RAB38: variants seen among roughly 807,000 people sequenced by gnomAD.
RAB38 encodes ras-related protein Rab-38.
A neutral mutation model predicts 18.4 loss-of-function variants in RAB38; 15 were observed. The ratio of observed to expected loss-of-function variants is 0.82; its 90% CI spans 0.55 to 1.26. RAB38 has a LOEUF of 1.26. RAB38 is among the 50% of genes most tolerant of loss of function. The pLI is 0.00. For missense variants in RAB38, 294 were observed against 267.4 expected (o/e 1.10, Z -0.69); for synonymous variants, 101 against 104.4 (o/e 0.97, Z 0.20).
the RAB38 span, among the ~76,000 whole-genome samples, chr11:88,012,138 A>G: frequency 1.6e-4 from 25 of 152,174 alleles, 1 homozygote; most frequent in East Asian, 3.7e-3. Flanking sequence ...CAGATTTTCA[A>G]TCTGGTCACC....
the RAB38 span, among the ~76,000 whole-genome samples, chr11:87,878,252 A>ATCTATCTG: frequency 2.5e-3 from 28 of 11,006 alleles, 2 homozygotes; most frequent in Middle Eastern, 0.029. Context: ...CACACCTATC[A>ATCTATCTG]TCTATCTATC....
the RAB38 span, among the ~76,000 whole-genome samples, chr11:87,907,361 A>G: frequency 6.6e-6 from 1 of 151,802 alleles, no homozygotes; most frequent in African/African-American, 2.4e-5. Flanking sequence ...TCTATTCTAA[A>G]TATTTGCCCC....
chr11:87,809,458 A>G, the RAB38 span, among the ~76,000 whole-genome samples: 6 of 152,208 alleles, frequency 3.9e-5, no homozygotes, highest in Admixed American at 6.5e-5. Flanking sequence ...CAGCAACACA[A>G]GGCCAAGTCA....
chr11:87,944,566 C>G, the RAB38 span, among the ~76,000 whole-genome samples: 2 of 152,160 alleles, frequency 1.3e-5, no homozygotes, highest in Admixed American at 6.6e-5. Context: ...CTGCTCCCAT[C>G]TCTAGTTCAC....
At chr11:88,164,256 C>CGGCGGGGGGCG (rs1318397492) in intron 1 of RAB38, among the ~76,000 whole-genome samples, 1 of 109,056 alleles carries the variant, frequency 9.2e-6, no homozygotes, top group African/African-American at 3.4e-5. Flanking sequence ...AAGGTGCTCT[C>CGGCGGGGGGCG]GGTGGGGGGG....
the RAB38 span, among the ~76,000 whole-genome samples, chr11:87,976,374 A>C: frequency 7.1e-6 from 1 of 141,266 alleles, no homozygotes; most frequent in African/African-American, 2.6e-5. Context: ...AATATATACA[A>C]ATACAAATAT....
At chr11:88,114,166 T>C (rs759339681) in intron 2 of RAB38, 26 bp from the exon 3 acceptor site, 1 of 1,611,286 alleles carries the variant, frequency 6.2e-7, no homozygotes, top group Middle Eastern at 1.7e-4. Context: ...TAAAACAGCT[T>C]TTCTTATTCA....
chr11:87,881,014 C>G, the RAB38 span, among the ~76,000 whole-genome samples: 3 of 151,838 alleles, frequency 2.0e-5, no homozygotes, highest in African/African-American at 7.2e-5. Flanking sequence ...GGATCTTGCT[C>G]TGTCACCCAG....
chr11:88,074,366 T>G, the RAB38 span, among the ~76,000 whole-genome samples: 3 of 152,212 alleles, frequency 2.0e-5, no homozygotes, highest in Non-Finnish European at 4.4e-5. Context: ...TATAAAAATA[T>G]GTAAATGAAG....
At chr11:87,842,793 T>TGCAC in the RAB38 span, among the ~76,000 whole-genome samples, 74 of 136,722 alleles carry the variant, frequency 5.4e-4, no homozygotes, top group African/African-American at 1.6e-3. Flanking sequence ...TGCATGCGCA[T>TGCAC]GCACACACAC....
the RAB38 span, among the ~76,000 whole-genome samples, chr11:87,936,729 G>T: frequency 1.3e-5 from 2 of 152,108 alleles, no homozygotes; most frequent in African/African-American, 4.8e-5. Flanking sequence ...TGGTGGGATT[G>T]TGGTAGAAAT....
the RAB38 span, among the ~76,000 whole-genome samples, chr11:88,080,475 A>G: frequency 2.6e-5 from 4 of 151,900 alleles, no homozygotes; most frequent in East Asian, 7.7e-4. Context: ...TTCTTCTCCA[A>G]CTGATCTATG....
chr11:87,964,385 A>G, the RAB38 span, among the ~76,000 whole-genome samples: 2 of 152,074 alleles, frequency 1.3e-5, no homozygotes, highest in Admixed American at 6.6e-5. Context: ...TACAGTTTCA[A>G]TGGAACAAAT....
the RAB38 span, among the ~76,000 whole-genome samples, chr11:87,819,994 A>G: frequency 1.3e-5 from 2 of 152,212 alleles, no homozygotes; most frequent in South Asian, 2.1e-4. Context: ...AATTTTATGG[A>G]TCAACCCTCC....
At chr11:88,074,525 G>A in the RAB38 span, among the ~76,000 whole-genome samples, 2 of 152,090 alleles carry the variant, frequency 1.3e-5, no homozygotes, top group Non-Finnish European at 2.9e-5. Context: ...AAGCCTCATA[G>A]TAACCATAAT....
chr11:88,062,372 A>G, the RAB38 span, among the ~76,000 whole-genome samples: 1 of 152,226 alleles, frequency 6.6e-6, no homozygotes, highest in East Asian at 1.9e-4. Context: ...CATGATTCTA[A>G]GTTTCCTGAG....
chr11:88,046,617 G>A, the RAB38 span, among the ~76,000 whole-genome samples: 1 of 151,944 alleles, frequency 6.6e-6, no homozygotes, highest in East Asian at 1.9e-4. Context: ...TACCTATCTC[G>A]GCATAATTCT....
chr11:87,829,924 T>G, the RAB38 span, among the ~76,000 whole-genome samples: 1 of 152,280 alleles, frequency 6.6e-6, no homozygotes, highest in South Asian at 2.1e-4. Context: ...AATTTCTTGT[T>G]TCTTATGATG....
the RAB38 span, among the ~76,000 whole-genome samples, chr11:87,977,564 T>C: frequency 8.4e-6 from 1 of 118,656 alleles, no homozygotes; most frequent in Admixed American, 9.8e-5. Context: ...AATTATATAA[T>C]ATACTTATGT....
Sources: gnomAD v4.1 joint callset for allele counts (sites outside exome capture counted in the v4.1 genomes callset) on GRCh38, gnomAD v4.1.1 for gene constraint, MANE v1.5 for transcripts, NCBI Gene and HGNC (gene_info 2026-07-23, HGNC 2026-07-21) for gene names.